Variants in MAD1L1 observed in about 807,000 individuals in gnomAD.
MAD1L1 encodes mitotic spindle assembly checkpoint protein MAD1.
In MAD1L1, 95 loss-of-function variants were observed where a neutral mutation model predicts 96.9. That is an observed-to-expected ratio of 0.98 (90% CI 0.83 to 1.16). The LOEUF is 1.16. MAD1L1 is among the 50% of genes most tolerant of loss of function. MAD1L1 has a pLI of 0.00. For synonymous variants in MAD1L1, 473 were observed against 396.6 expected (o/e 1.19, Z -2.29); for missense variants, 1,007 against 954.4 (o/e 1.06, Z -0.73).
intron 14 of MAD1L1, among the ~76,000 whole-genome samples, chr7:1,990,570 C>G (rs1284119897): frequency 6.6e-6 from 1 of 152,260 alleles, no homozygotes; most frequent in East Asian, 1.9e-4. Context: ...AAAAAAACAG[C>G]CCAGCCGGAG....
At chr7:2,001,397 G>A (rs566238981) in intron 14 of MAD1L1, among the ~76,000 whole-genome samples, 5 of 152,382 alleles carry the variant, frequency 3.3e-5, no homozygotes, top group African/African-American at 1.2e-4. Context: ...CAAAAGCAAA[G>A]CCCATTTGTT....
chr7:2,161,167 G>T (rs1039290159), intron 10 of MAD1L1, among the ~76,000 whole-genome samples: 2 of 9,138 alleles, frequency 2.2e-4, no homozygotes, highest in South Asian at 3.0e-3. Flanking sequence ...GCCGAGGCTG[G>T]ACTGTACTGC....
At chr7:1,851,931 C>G (rs548448273) in intron 18 of MAD1L1, among the ~76,000 whole-genome samples, 14 of 152,250 alleles carry the variant, frequency 9.2e-5, no homozygotes, top group Middle Eastern at 3.4e-3. Flanking sequence ...ATGGGTGGGA[C>G]CAATGGTGGG....
At chr7:1,894,315 G>A (rs1196451685) in intron 18 of MAD1L1, among the ~76,000 whole-genome samples, 1 of 152,192 alleles carries the variant, frequency 6.6e-6, no homozygotes, top group African/African-American at 2.4e-5. Context: ...TCGGCTTACA[G>A]GGAGCCTTTG....
intron 14 of MAD1L1, among the ~76,000 whole-genome samples, chr7:1,982,328 C>A (rs913207177): frequency 1.3e-5 from 2 of 152,136 alleles, no homozygotes; most frequent in Non-Finnish European, 2.9e-5. Context: ...CCTGCCTCAG[C>A]CTCCCAAGTT....
intron 18 of MAD1L1, among the ~76,000 whole-genome samples, chr7:1,845,147 C>G (rs147755594): frequency 1.3e-5 from 2 of 152,234 alleles, no homozygotes; most frequent in Non-Finnish European, 2.9e-5. Flanking sequence ...GTGGCTGATA[C>G]GCTGACCAGC....
At chr7:1,969,662 A>G (rs1202250338) in intron 15 of MAD1L1, among the ~76,000 whole-genome samples, 1 of 152,254 alleles carries the variant, frequency 6.6e-6, no homozygotes, top group Non-Finnish European at 1.5e-5. Context: ...AAACAAAATC[A>G]GCAAAGTTGC....
intron 17 of MAD1L1, among the ~76,000 whole-genome samples, chr7:1,905,211 T>C (rs371640086): frequency 0.016 from 543 of 33,882 alleles, no homozygotes; most frequent in Middle Eastern, 0.029. Context: ...TCTTGCGGAA[T>C]TCATGATTGA....
intron 18 of MAD1L1, among the ~76,000 whole-genome samples, chr7:1,821,250 G>A (rs1053143975): frequency 7.2e-5 from 11 of 151,912 alleles, no homozygotes; most frequent in Non-Finnish European, 2.9e-5. Flanking sequence ...CTACCAAAAC[G>A]TGCCAAGATA....
chr7:2,121,236 C>T (rs79571559), intron 11 of MAD1L1, among the ~76,000 whole-genome samples: 1 of 152,364 alleles, frequency 6.6e-6, no homozygotes, highest in African/African-American at 2.4e-5. Flanking sequence ...GAGGTGTAGG[C>T]GCTGGGTGCT....
intron 18 of MAD1L1, among the ~76,000 whole-genome samples, chr7:1,827,305 G>A (rs1466806072): frequency 2.6e-5 from 4 of 152,218 alleles, no homozygotes; most frequent in African/African-American, 4.8e-5. Flanking sequence ...GAAAGGGGAC[G>A]CAGCGGGCAG....
At chr7:1,878,712 C>T (rs1785514245) in intron 18 of MAD1L1, among the ~76,000 whole-genome samples, 1 of 144,772 alleles carries the variant, frequency 6.9e-6, no homozygotes, top group Non-Finnish European at 1.5e-5. Flanking sequence ...TCGCTAGCAT[C>T]AGAAACAAGG....
Position 2,142,376 on chromosome 7 carries a change from T to C in MAD1L1, c.1073+6776A>G, listed in dbSNP as rs1024394788. 2.6e-5 allele frequency among the ~76,000 whole-genome samples: 4 copies of C among 152,302 alleles called. No homozygotes were observed. The highest frequency in any genetic ancestry group is 7.2e-5 in the African/African-American group (3 of 41,574). On this transcript the variant is annotated intron_variant, in intron 11 of 18. Transcript: ENST00000265854. The surrounding 1 kb of genome is among the most constrained non-coding windows in gnomAD (Gnocchi z 4.7). ...GCTGGGTTGGGGGCTGAGGCCTCTA[T>C]GGCGCAGGTGCACTGTGCGTCCCAG... is the stretch of plus-strand genomic sequence containing the variant.
At chr7:1,986,835 TA>T (rs1168105288) in intron 14 of MAD1L1, among the ~76,000 whole-genome samples, 2 of 152,188 alleles carry the variant, frequency 1.3e-5, no homozygotes, top group African/African-American at 4.8e-5. Flanking sequence ...TTTTAATGTG[TA>T]ACCTTAGACT....
intron 13 of MAD1L1, among the ~76,000 whole-genome samples, chr7:2,003,155 A>G (rs1309380041): frequency 3.7e-5 from 2 of 53,764 alleles, no homozygotes; most frequent in Non-Finnish European, 8.0e-5. Flanking sequence ...AGCAGGCCTG[A>G]GGGTGAGGGA....
intron 18 of MAD1L1, among the ~76,000 whole-genome samples, chr7:1,825,048 G>T (rs1782321304): frequency 6.6e-6 from 1 of 152,188 alleles, no homozygotes; most frequent in South Asian, 2.1e-4. Flanking sequence ...TGCTGGGACG[G>T]AAAGTGACTC....
chr7:1,909,684 A>C (rs1006831903), intron 17 of MAD1L1, among the ~76,000 whole-genome samples: 2 of 152,182 alleles, frequency 1.3e-5, no homozygotes, highest in Non-Finnish European at 2.9e-5. Flanking sequence ...AGGGGCTGGC[A>C]GGCATCATGG....
At chr7:1,924,594 G>C (rs532273537) in intron 17 of MAD1L1, among the ~76,000 whole-genome samples, 2 of 152,328 alleles carry the variant, frequency 1.3e-5, no homozygotes, top group African/African-American at 4.8e-5. Flanking sequence ...CAAACGCTGA[G>C]AGAACCTACT....
chr7:2,230,395 T>C (rs923674586), intron 2 of MAD1L1, 154 bp downstream of exon 2: 4 of 397,020 alleles, frequency 1.0e-5, no homozygotes, highest in Non-Finnish European at 9.4e-6. Context: ...CAGTTGCACA[T>C]GGACAGATGG....
Sources: gnomAD v4.1 joint callset for allele counts (sites outside exome capture counted in the v4.1 genomes callset) on GRCh38, gnomAD v4.1.1 for gene constraint, Gnocchi (gnomAD v3.1) non-coding constraint, MANE v1.5 for transcripts, NCBI Gene and HGNC (gene_info 2026-07-23, HGNC 2026-07-21) for gene names.